The following USP37 variants were observed in gnomAD, a reference collection of about 807,000 sequenced individuals.
The protein encoded by USP37 is ubiquitin specific peptidase 37, also known as ubiquitin carboxyl-terminal hydrolase 37.
In USP37, 27 loss-of-function variants were observed where a neutral mutation model predicts 124.0. The ratio of observed to expected loss-of-function variants is 0.22; its 90% CI spans 0.16 to 0.30. The LOEUF is 0.30. Ranked by LOEUF, USP37 falls within the 10% of genes least tolerant of loss-of-function variation. The pLI is 1.00. For synonymous variants in USP37, 365 were observed against 388.0 expected (o/e 0.94, Z 0.70); for missense variants, 889 against 1,140.4 (o/e 0.78, Z 3.17).
intron 4 of USP37, 99 bp downstream of exon 4, chr2:218,558,399 T>C: frequency 9.4e-7 from 1 of 1,061,956 alleles, no homozygotes; most frequent in Non-Finnish European, 1.3e-6. Context: ...GAAATATTAA[T>C]CTAGGAGGAG....
Position 218,476,848 on chromosome 2 carries a change from G to A in USP37, c.2035C>T (p.Leu679=), listed in dbSNP as rs753130132. 3 of 1,591,666 alleles carry A rather than the reference G, an allele frequency of 1.9e-6. No homozygotes were observed. The Admixed American group carries it at 5.6e-5, about 30-fold the overall frequency. ...MLGNEQQQED[L]EKDSKLCPIE... ...AAGAAAATATTACTTACTTTTTCCA[G>A]GTCTTCCTGCTGCTGTTCGTTGCCT... Residue 679 remains leucine, a synonymous_variant, in exon 19 of 26, where the codon CTG becomes TTG. Coordinates refer to ENST00000258399, the MANE Select transcript of USP37 (RefSeq NM_020935.3).
chr2:218,518,696 A>T (rs964583733), intron 10 of USP37, among the ~76,000 whole-genome samples: 1 of 152,178 alleles, frequency 6.6e-6, no homozygotes, highest in Non-Finnish European at 1.5e-5. Flanking sequence ...TCACATTCAG[A>T]ATCTGAATCT....
intron 21 of USP37, among the ~76,000 whole-genome samples, chr2:218,463,599 G>A (rs912187134): frequency 7.2e-6 from 1 of 138,572 alleles, no homozygotes; most frequent in African/African-American, 2.7e-5. Context: ...GCAGTGGTGT[G>A]ATCTCGGCTC....
In USP37 at chr2:218,510,072, A is replaced by G. The variant is rs1186306079; in HGVS notation, c.932T>C (p.Leu311Pro). Reference protein sequence around the residue: ...SLGFLPQPVPLSVKKLRCNQD... With the variant: ...SLGFLPQPVPPSVKKLRCNQD... ...GTTACACCTCAGTTTTTTAACAGAAAGAGGAACTGGCTGAGGAAGAAATCC... is the reference window on the plus strand; with the variant it reads ...GTTACACCTCAGTTTTTTAACAGAAGGAGGAACTGGCTGAGGAAGAAATCC... The change falls in exon 11 of 26, where the codon CTT (leucine) becomes CCT (proline). Residue 311 changes from leucine (L) to proline (P), a missense_variant. Leu to Pro is a moderately conservative substitution (Grantham distance 98). Around this residue, in one of 3 missense-constraint regions of USP37, gnomAD observed 374 missense variants for 386.0 expected, o/e 0.97. Coordinates refer to ENST00000258399, the MANE Select transcript of USP37 (RefSeq NM_020935.3). 6.2e-7 allele frequency: 1 copy of G among 1,613,330 alleles called. No homozygotes were observed. The highest frequency in any genetic ancestry group is 2.2e-5 in the East Asian group (1 of 44,848).
chr2:218,473,205 T>C (rs1690788228), intron 20 of USP37: 2 of 152,178 alleles, frequency 1.3e-5, no homozygotes, highest in South Asian at 4.1e-4. Flanking sequence ...CCTGTAGCTG[T>C]CCCTTTGTTA....
intron 24 of USP37, 45 bp from the exon 25 acceptor site, chr2:218,455,763 C>T (rs201143306): frequency 5.0e-5 from 80 of 1,591,994 alleles, no homozygotes; most frequent in Middle Eastern, 3.3e-4. Context: ...AAAAACACAC[C>T]GAAGCTGGGC....
intron 21 of USP37, among the ~76,000 whole-genome samples, chr2:218,465,520 A>G (rs539352456): frequency 1.0e-3 from 153 of 152,344 alleles, no homozygotes; most frequent in Non-Finnish European, 1.9e-3. Context: ...AATTATAGTT[A>G]TGAAAGGTAA....
At chr2:218,530,990 A>G (rs899832080) in intron 9 of USP37, among the ~76,000 whole-genome samples, 1 of 152,234 alleles carries the variant, frequency 6.6e-6, no homozygotes, top group Non-Finnish European at 1.5e-5. Flanking sequence ...AAAAGAAGCC[A>G]TCTCCATAAT....
intron 13 of USP37, among the ~76,000 whole-genome samples, chr2:218,496,519 T>C (rs1034356913): frequency 6.6e-6 from 1 of 152,122 alleles, no homozygotes; most frequent in Non-Finnish European, 1.5e-5. Context: ...CATGAATCAA[T>C]GAATAACTCC....
At chr2:218,486,709 C>T (rs982405021) in intron 15 of USP37, among the ~76,000 whole-genome samples, 1 of 152,146 alleles carries the variant, frequency 6.6e-6, no homozygotes, top group African/African-American at 2.4e-5. Flanking sequence ...GGAGCCACCA[C>T]ACCCAGCCAG....
rs71064454 is a variant in USP37 at position 218,526,785 on chromosome 2, CTTTTTTTTT to C, written c.863+3162_863+3170del. Among the ~76,000 whole-genome samples the C allele has an allele frequency of 1.6e-4, 12 of 75,938 alleles. No individual in the cohort carries two copies. The South Asian group carries it at 6.3e-3, about 40-fold the overall frequency. The allele number at this position is 75,938 out of a possible 152,430, so 49.8% of individuals were successfully genotyped here. On this transcript the variant is annotated intron_variant, in intron 10 of 25. Transcript: ENST00000258399. ...AACGTAAGTTTCTTCATTTCATTTG[CTTTTTTTTT>C]TTTTTTTTTTTTGGGACGGAGTCTT... is the stretch of plus-strand genomic sequence containing the variant.
intron 13 of USP37, among the ~76,000 whole-genome samples, chr2:218,497,144 C>T (rs1475700963): frequency 6.6e-6 from 1 of 152,074 alleles, no homozygotes; most frequent in Non-Finnish European, 1.5e-5. Flanking sequence ...GATCTCAGCT[C>T]ACTGCAACCT....
chr2:218,465,819 G>C (rs1190581174), intron 21 of USP37, among the ~76,000 whole-genome samples, 191 bp downstream of exon 21: 1 of 152,080 alleles, frequency 6.6e-6, no homozygotes. Flanking sequence ...GCCTCCCAAA[G>C]TACTGAGATT....
At chr2:218,538,090 G>T (rs1235610460) in intron 8 of USP37, among the ~76,000 whole-genome samples, 1 of 152,194 alleles carries the variant, frequency 6.6e-6, no homozygotes, top group Non-Finnish European at 1.5e-5. Flanking sequence ...AGCGTTAGGG[G>T]CATTTCCTAC....
At chr2:218,466,978 G>A (rs904600388) in intron 20 of USP37, among the ~76,000 whole-genome samples, 3 of 152,030 alleles carry the variant, frequency 2.0e-5, no homozygotes, top group Non-Finnish European at 2.9e-5. Flanking sequence ...TGATCTGCCC[G>A]CCTTGGGCTC....
At chr2:218,491,085 G>T (rs1691914773) in intron 14 of USP37, among the ~76,000 whole-genome samples, 1 of 152,126 alleles carries the variant, frequency 6.6e-6, no homozygotes, top group South Asian at 2.1e-4. Context: ...TGTTGTCAGG[G>T]CTGGTCTCAA....
At chr2:218,458,352 C>T (rs1003145798) in intron 23 of USP37, among the ~76,000 whole-genome samples, 4 of 151,358 alleles carry the variant, frequency 2.6e-5, no homozygotes, top group African/African-American at 7.3e-5. Context: ...TGGGTGGATC[C>T]CTCAAGGCCA....
At chr2:218,459,064 AG>A (rs1206007396) in intron 23 of USP37, among the ~76,000 whole-genome samples, 1 of 99,638 alleles carries the variant, frequency 1.0e-5, no homozygotes, top group Non-Finnish European at 2.2e-5. Context: ...CAATTATTTA[AG>A]GGGGGAAAAA....
intron 11 of USP37, among the ~76,000 whole-genome samples, chr2:218,506,433 G>T (rs1689683852): frequency 6.6e-6 from 1 of 150,936 alleles, no homozygotes. Flanking sequence ...TGGGATTACG[G>T]GCACACGCCA....
Sources: gnomAD v4.1 joint callset for allele counts (sites outside exome capture counted in the v4.1 genomes callset) on GRCh38, gnomAD v4.1.1 for gene constraint, gnomAD v4.1.1 regional missense constraint, MANE v1.5 for transcripts, NCBI Gene and HGNC (gene_info 2026-07-23, HGNC 2026-07-21) for gene names.